The following SND1 variants were observed in gnomAD, a reference collection of about 807,000 sequenced individuals.
SND1 encodes staphylococcal nuclease domain-containing protein 1.
SND1 carries 38 observed loss-of-function variants against 121.7 expected under a neutral mutation model. The observed-to-expected ratio is 0.31, with a 90% confidence interval of 0.24 to 0.41. SND1 has a LOEUF of 0.41. Ranked by LOEUF, SND1 falls within the 10% of genes least tolerant of loss-of-function variation. SND1 has a pLI of 1.00. For missense variants in SND1, 868 were observed against 1,184.6 expected (o/e 0.73, Z 3.92); for synonymous variants, 401 against 447.4 (o/e 0.90, Z 1.31).
intron 10 of SND1, among the ~76,000 whole-genome samples, chr7:127,800,715 G>C (rs1009496891): frequency 6.6e-6 from 1 of 152,038 alleles, no homozygotes; most frequent in Non-Finnish European, 1.5e-5. Context: ...TCAGAGCCTT[G>C]TTTTTTTCCT....
rs140187481 is a variant in SND1 at position 127,882,487 on chromosome 7, G to T, written c.1344-5415G>T. ...AGAGGAGAGGAATTTAATTATTTTG[G>T]AAATAGAGCACTGGAACATTATTTT... On this transcript the variant is annotated intron_variant, in intron 12 of 23. Transcript: ENST00000354725. 3.4e-3 allele frequency among the ~76,000 whole-genome samples: 518 copies of T among 151,784 alleles called. 2 individuals carry two copies. The highest frequency in any genetic ancestry group is 0.011 in the African/African-American group (473 of 41,378).
chr7:127,959,877 C>A (rs1300112580), intron 15 of SND1, among the ~76,000 whole-genome samples: 1 of 152,148 alleles, frequency 6.6e-6, no homozygotes, highest in Non-Finnish European at 1.5e-5. Flanking sequence ...GCTCTAGTAG[C>A]CATGGTATTC....
chr7:128,091,040 A>G (rs969810528), intron 22 of SND1, among the ~76,000 whole-genome samples: 4 of 152,196 alleles, frequency 2.6e-5, no homozygotes, highest in Non-Finnish European at 5.9e-5. Context: ...GGCCTACAGT[A>G]TATCAGTGAG....
At chr7:127,680,402 A>G (rs1033609494) in intron 1 of SND1, among the ~76,000 whole-genome samples, 8 of 152,250 alleles carry the variant, frequency 5.3e-5, no homozygotes, top group East Asian at 1.9e-4. Context: ...TGGGAGCGCT[A>G]TGGGAGACTG....
At chr7:127,756,046 G>T (rs1797189360) in intron 10 of SND1, among the ~76,000 whole-genome samples, 1 of 152,158 alleles carries the variant, frequency 6.6e-6, no homozygotes, top group Non-Finnish European at 1.5e-5. Context: ...ATGAATGCTT[G>T]GGGATTTATG....
intron 10 of SND1, among the ~76,000 whole-genome samples, chr7:127,780,414 C>T (rs79946103): frequency 0.018 from 2,707 of 152,222 alleles, 37 homozygotes; most frequent in Non-Finnish European, 0.03. Context: ...AATGGAATAT[C>T]AAAATTGTCA....
At chr7:127,844,272 T>G in intron 11 of SND1, 52 bp from the exon 12 acceptor site, 63 of 1,436,528 alleles carry the variant, frequency 4.4e-5, no homozygotes, top group Non-Finnish European at 5.6e-5. Flanking sequence ...TGGCTGCTAG[T>G]GAGCTATGTT....
rs114630656 is a variant in SND1 at position 127,896,007 on chromosome 7, C to T, written c.1454+7995C>T. 5.9e-5 allele frequency among the ~76,000 whole-genome samples: 9 copies of T among 152,122 alleles called. 1 individual carries two copies. The South Asian group carries it at 8.3e-4, about 14-fold the overall frequency. On this transcript the variant is annotated intron_variant, in intron 13 of 23. Coordinates refer to ENST00000354725, the MANE Select transcript of SND1 (RefSeq NM_014390.4). ...TTATCTCCTGTCTTGACTAGCAAGCCGTGGGTAGTCCTGCAGATCATGGGT... is the reference window on the plus strand; with the variant it reads ...TTATCTCCTGTCTTGACTAGCAAGCTGTGGGTAGTCCTGCAGATCATGGGT...
intron 11 of SND1, among the ~76,000 whole-genome samples, chr7:127,824,832 A>G (rs1798613544): frequency 6.6e-6 from 1 of 152,114 alleles, no homozygotes; most frequent in Non-Finnish European, 1.5e-5. Flanking sequence ...AAGCTTTACA[A>G]ACCTCTAATC....
chr7:128,046,343 T>G (rs903404101), intron 16 of SND1, among the ~76,000 whole-genome samples: 99 of 142,236 alleles, frequency 7.0e-4, no homozygotes, highest in Non-Finnish European at 1.1e-3. Flanking sequence ...TTTTTTTGGG[T>G]TTTTTTTTTG....
intron 15 of SND1, among the ~76,000 whole-genome samples, chr7:127,974,131 A>G (rs1802061724): frequency 1.3e-5 from 2 of 152,200 alleles, no homozygotes; most frequent in African/African-American, 2.4e-5. Flanking sequence ...TGTTTAGCAA[A>G]AATGATTTGT....
At chr7:127,721,217 T>G (rs1049931010) in intron 9 of SND1, 70 bp from the exon 10 acceptor site, 5 of 978,000 alleles carry the variant, frequency 5.1e-6, no homozygotes, top group Non-Finnish European at 8.2e-6. Context: ...GTGAGGGTGG[T>G]GGGCCTTGCT....
At position 127,807,566 on chromosome 7, in the gene SND1, G is replaced by A. The variant is rs1339354559; in HGVS notation, c.1235G>A (p.Gly412Glu). Reference protein sequence around the residue: ...AREFLRKKLIGKKVNVTVDYI... With the variant: ...AREFLRKKLIEKKVNVTVDYI... ...GAATTTCTTCGAAAAAAGCTTATTG[G>A]GAAGAAGGTAAGTAATTGATGACAG... Residue 412 changes from glycine to glutamate, a missense_variant, in exon 11 of 24, where the codon GGG becomes GAG. Coordinates refer to ENST00000354725, the MANE Select transcript of SND1 (RefSeq NM_014390.4). 1 of 1,612,640 alleles carries A rather than the reference G, an allele frequency of 6.2e-7. No individual in the cohort carries two copies. The highest frequency in any genetic ancestry group is 1.1e-5 in the South Asian group (1 of 91,038).
chr7:127,898,966 G>A (rs1800172430), intron 13 of SND1, among the ~76,000 whole-genome samples: 1 of 151,936 alleles, frequency 6.6e-6, no homozygotes, highest in Non-Finnish European at 1.5e-5. Flanking sequence ...TCATTTTTTT[G>A]CCCTACAGTC....
chr7:127,859,126 G>C (rs905214026), intron 12 of SND1, among the ~76,000 whole-genome samples: 1 of 152,158 alleles, frequency 6.6e-6, no homozygotes, highest in Admixed American at 6.5e-5. Context: ...GTTTGCATGG[G>C]GGGGTGGTTT....
intron 16 of SND1, among the ~76,000 whole-genome samples, chr7:128,022,407 TCTCATATCAATG>T (rs1185709572): frequency 6.6e-6 from 1 of 152,170 alleles, no homozygotes; most frequent in Non-Finnish European, 1.5e-5. Context: ...GAGAGTAGCC[TCTCATATCAATG>T]CTTCCCTGCT....
At chr7:128,008,920 G>A (rs985873322) in intron 16 of SND1, among the ~76,000 whole-genome samples, 2 of 152,116 alleles carry the variant, frequency 1.3e-5, no homozygotes, top group Non-Finnish European at 2.9e-5. Flanking sequence ...TAGACATGAG[G>A]GCTATATTTA....
chr7:127,690,171 C>A (rs1057223565), intron 2 of SND1, among the ~76,000 whole-genome samples: 2 of 152,098 alleles, frequency 1.3e-5, no homozygotes, highest in Non-Finnish European at 2.9e-5. Context: ...CCAGACTCTT[C>A]AGTGGTTCCT....
intron 1 of SND1, among the ~76,000 whole-genome samples, chr7:127,662,368 G>A (rs901216929): frequency 5.3e-5 from 8 of 151,954 alleles, no homozygotes; most frequent in African/African-American, 1.9e-4. Flanking sequence ...ATGGTTGAGC[G>A]GTATTCCACA....
Sources: allele counts gnomAD v4.1 joint callset (sites outside exome capture counted in the v4.1 genomes callset), GRCh38; gene constraint gnomAD v4.1.1; transcripts MANE v1.5; gene names NCBI Gene and HGNC (gene_info 2026-07-23, HGNC 2026-07-21).